The following EDA variants were observed in gnomAD, a reference collection of about 807,000 sequenced individuals.
The protein encoded by EDA is ectodysplasin A, also known as ectodysplasin-A.
Under a neutral mutation model 23.6 loss-of-function variants are expected in EDA, and 2 were observed. The observed-to-expected ratio is 0.08, with a 90% CI of 0.03 to 0.27. EDA has a LOEUF of 0.27. Ranked by LOEUF, EDA falls within the 10% of genes least tolerant of loss-of-function variation. The pLI is 1.00. For missense variants in EDA, 229 were observed against 324.2 expected, an observed-to-expected ratio of 0.71 and a Z score of 2.26; for synonymous variants, 131 against 132.0, an observed-to-expected ratio of 0.99 and a Z score of 0.05.
At chrX:69,840,958 A>T (rs1184858309) in intron 1 of EDA, among the ~76,000 whole-genome samples, 3 of 112,155 alleles carry the variant, frequency 2.7e-5, no homozygotes, top group Admixed American at 9.5e-5. Context: ...TACTTCTTAA[A>T]GGTCCCACTC....
At chrX:69,702,310 T>A (rs1304870965) in intron 1 of EDA, among the ~76,000 whole-genome samples, 1 of 110,148 alleles carries the variant, frequency 9.1e-6, no homozygotes, top group Non-Finnish European at 1.9e-5. Flanking sequence ...AAGGGGGCGT[T>A]GAGCTGATAG....
chrX:69,726,514 C>T (rs2012807932), intron 1 of EDA, among the ~76,000 whole-genome samples: 1 of 112,662 alleles, frequency 8.9e-6, no homozygotes, highest in South Asian at 3.7e-4. Flanking sequence ...AAGATAATAT[C>T]ATCCAGTGCT....
At chrX:69,660,731 T>C (rs1257114038) in intron 1 of EDA, among the ~76,000 whole-genome samples, 1 of 111,890 alleles carries the variant, frequency 8.9e-6, no homozygotes, top group Non-Finnish European at 1.9e-5. Context: ...TTTCTTAATC[T>C]AGTCTATCAT....
rs767047043 is a variant in EDA, at chrX:69,699,864, G to A, written c.396+83160G>A. Among the ~76,000 whole-genome samples the A allele has an allele frequency of 3.6e-5, 4 of 110,724 alleles. No individual in the cohort carries two copies. In the South Asian group the frequency reaches 1.6e-3, roughly 44 times the overall value. ...TTAGCAGGGTTTAAAGGCTCATGGA[G>A]AGGGCCTTTAGCAGCTTGATATAAG... On this transcript the variant is annotated intron_variant, in intron 1 of 7. Transcript: ENST00000374552.
chrX:69,915,469 G>A (rs373990317), intron 1 of EDA, among the ~76,000 whole-genome samples: 48 of 110,212 alleles, frequency 4.4e-4, no homozygotes, highest in African/African-American at 1.4e-3. Context: ...CGGGTGTGGT[G>A]GCACATCCCT....
At chrX:69,856,022 G>C (rs888338265) in intron 1 of EDA, among the ~76,000 whole-genome samples, 1 of 110,177 alleles carries the variant, frequency 9.1e-6, no homozygotes, top group African/African-American at 3.3e-5. Context: ...CACCTTATTT[G>C]TAGTCTTTTA....
chrX:69,727,654 T>A (rs1399399241), intron 1 of EDA, among the ~76,000 whole-genome samples: 1 of 112,221 alleles, frequency 8.9e-6, no homozygotes, highest in African/African-American at 3.2e-5. Flanking sequence ...GGGCACTTGC[T>A]GTACTGTACC....
intron 1 of EDA, among the ~76,000 whole-genome samples, chrX:69,651,328 A>G (rs756979404): frequency 8.9e-6 from 1 of 111,778 alleles, no homozygotes; most frequent in East Asian, 2.8e-4. Flanking sequence ...GAATAGTTGG[A>G]TGTTCTTTCT....
chrX:69,733,026 A>G (rs1249515974), intron 1 of EDA, among the ~76,000 whole-genome samples: 1 of 108,604 alleles, frequency 9.2e-6, no homozygotes, highest in Non-Finnish European at 1.9e-5. Flanking sequence ...GTAGATTGTA[A>G]AAATTTTCTC....
intron 1 of EDA, chrX:69,937,637 A>C (rs2018693828): frequency 9.0e-7 from 1 of 1,109,508 alleles, no homozygotes; most frequent in African/African-American, 1.8e-5. Context: ...TTCCTTCCTC[A>C]TCATGTTTTT....
chrX:69,958,973 G>A (rs772908214), intron 2 of EDA, among the ~76,000 whole-genome samples: 2 of 111,379 alleles, frequency 1.8e-5, no homozygotes, highest in Non-Finnish European at 3.8e-5. Context: ...TGAGTGGTAA[G>A]TCTAATGGCT....
intron 1 of EDA, among the ~76,000 whole-genome samples, chrX:69,705,443 A>T (rs781134777): frequency 1.5e-3 from 172 of 111,051 alleles, no homozygotes; most frequent in African/African-American, 5.6e-3. Flanking sequence ...GGGCCCATTC[A>T]TCTTTCCCTA....
intron 1 of EDA, among the ~76,000 whole-genome samples, chrX:69,668,875 CCTA>C (rs199987551): frequency 0.014 from 1,618 of 111,763 alleles, 39 homozygotes; most frequent in African/African-American, 0.048. Flanking sequence ...CCTGAAGTTC[CCTA>C]CTATTATTGT....
chrX:69,860,889 A>G (rs921544015), intron 1 of EDA: 2 of 520,906 alleles, frequency 3.8e-6, no homozygotes, highest in African/African-American at 4.7e-5. Flanking sequence ...CCCTCTGTCC[A>G]CTCTCAGCAC....
intron 1 of EDA, among the ~76,000 whole-genome samples, chrX:69,947,530 A>AT (rs746076293): frequency 2.7e-5 from 3 of 111,921 alleles, no homozygotes; most frequent in Non-Finnish European, 5.6e-5. Context: ...AGTATTTCTT[A>AT]TGCCACCCCT....
At chrX:70,017,820 C>T (rs1161246058) in intron 2 of EDA, among the ~76,000 whole-genome samples, 2 of 111,723 alleles carry the variant, frequency 1.8e-5, no homozygotes, top group African/African-American at 3.3e-5. Context: ...TCACCACTCC[C>T]ATTCAACACA....
intron 1 of EDA, among the ~76,000 whole-genome samples, chrX:69,766,184 T>C (rs749853331): frequency 4.9e-4 from 55 of 112,208 alleles, no homozygotes; most frequent in African/African-American, 1.6e-3. Context: ...CTCCCTGTTC[T>C]GCTGTTGAGC....
chrX:69,978,281 C>T (rs1459457384), intron 2 of EDA, among the ~76,000 whole-genome samples: 1 of 85,050 alleles, frequency 1.2e-5, no homozygotes. Context: ...TTCAGGAGTT[C>T]GAGACCAGCC....
At chrX:69,904,292 C>T (rs190452989) in intron 1 of EDA, among the ~76,000 whole-genome samples, 2 of 111,740 alleles carry the variant, frequency 1.8e-5, no homozygotes, top group Non-Finnish European at 3.8e-5. Flanking sequence ...CTACCAAACA[C>T]TAGATATTAT....
Sources: allele counts gnomAD v4.1 joint callset (sites outside exome capture counted in the v4.1 genomes callset), GRCh38; gene constraint gnomAD v4.1.1; transcripts MANE v1.5; gene names NCBI Gene and HGNC (gene_info 2026-07-23, HGNC 2026-07-21).